HTR3A: variants seen among roughly 807,000 people sequenced by gnomAD.
HTR3A encodes the protein 5-hydroxytryptamine (serotonin) receptor 3A, ionotropic.
HTR3A carries 45 observed loss-of-function variants against 54.8 expected under a neutral mutation model. The ratio of observed to expected loss-of-function variants is 0.82; its 90% CI spans 0.65 to 1.05. The LOEUF is 1.05. Among genes scored for constraint, HTR3A ranks in the 50% least tolerant of loss-of-function variants. The pLI, the probability that HTR3A is intolerant of heterozygous loss-of-function variation, is 0.00. For missense variants in HTR3A, 657 were observed against 614.0 expected, an observed-to-expected ratio of 1.07 and a Z score of -0.74; for synonymous variants, 297 against 256.0, an observed-to-expected ratio of 1.16 and a Z score of -1.53.
intron 1 of HTR3A, 50 bp from the exon 2 acceptor site, chr11:113,977,721 G>A (rs749818663): frequency 1.2e-6 from 2 of 1,602,134 alleles, no homozygotes; most frequent in Non-Finnish European, 1.7e-6. Context: ...AAGAGAACCG[G>A]GGGAAGTCTT....
intron 5 of HTR3A, 33 bp from the exon 6 acceptor site, chr11:113,985,982 A>T: frequency 6.2e-7 from 1 of 1,613,360 alleles, no homozygotes; most frequent in Non-Finnish European, 8.5e-7. Context: ...TGGGTACTAG[A>T]TTCCAAAGCT....
In HTR3A at chr11:113,989,138, T is replaced by A. The variant is rs2137588854; in HGVS notation, c.1139-327T>A. On this transcript the variant is annotated intron_variant, in intron 8 of 8. Coordinates refer to ENST00000504030, the MANE Select transcript of HTR3A (RefSeq NM_000869.6). This position sits in a 1 kb window ranked among gnomAD's most constrained non-coding sequence, Gnocchi z 4.4. Reference sequence around the variant, plus strand: ...ACCACGGGAGGCCAAAGTAGGCGGATCACTTGAGGTCAAGAGTTCAAGACC... The same window carrying A: ...ACCACGGGAGGCCAAAGTAGGCGGAACACTTGAGGTCAAGAGTTCAAGACC... Among the ~76,000 whole-genome samples, 1 of 151,270 alleles carries A rather than the reference T, an allele frequency of 6.6e-6. No individual in the cohort carries two copies. Among genetic ancestry groups the A allele is most frequent in the African/African-American group, 2.4e-5 (1 of 41,074 alleles).
intron 8 of HTR3A, among the ~76,000 whole-genome samples, chr11:113,987,819 T>C (rs1365054697): frequency 6.6e-6 from 1 of 152,218 alleles, no homozygotes; most frequent in Non-Finnish European, 1.5e-5. Flanking sequence ...AGACATTAAA[T>C]GTGGAGTTCA....
chr11:113,975,447 C>T, intron 1 of HTR3A, 55 bp downstream of exon 1: 3 of 1,457,790 alleles, frequency 2.1e-6, no homozygotes, highest in Non-Finnish European at 1.9e-6. Context: ...TGAGGTGGGG[C>T]AGGGGATGCT....
chr11:113,979,417 G>A (rs544138285), intron 3 of HTR3A, 140 bp downstream of exon 3: 18 of 714,866 alleles, frequency 2.5e-5, no homozygotes, highest in Non-Finnish European at 4.5e-5. Context: ...CCAGGAGTGT[G>A]GAATCTCCTC....
intron 3 of HTR3A, among the ~76,000 whole-genome samples, chr11:113,980,663 G>T (rs1226486596): frequency 1.3e-5 from 2 of 152,328 alleles, no homozygotes; most frequent in East Asian, 1.9e-4. Context: ...TAGAGGGATA[G>T]CGGAGGTCAG....
In HTR3A at chr11:113,983,192, G is replaced by T; in HGVS notation, c.447G>T (p.Lys149Asn). 1 of 1,614,232 alleles carries T rather than the reference G, an allele frequency of 6.2e-7. No individual in the cohort carries two copies. Among genetic ancestry groups the T allele is most frequent in the Non-Finnish European group, 8.5e-7 (1 of 1,180,038 alleles). The change falls in exon 5 of 9, where the codon AAG becomes AAT. Residue 149 changes from lysine (K) to asparagine (N), a missense_variant. Transcript: ENST00000504030. ...ATCAAGGCGAAGTTCAGAACTACAA[G>T]CCCCTTCAGGTGGTGACTGCCTGTA... ...IRHQGEVQNYKPLQVVTACSL... is the reference protein window; with the variant it reads ...IRHQGEVQNYNPLQVVTACSL...
At chr11:113,977,718 C>G in intron 1 of HTR3A, 53 bp from the exon 2 acceptor site, 1 of 1,596,986 alleles carries the variant, frequency 6.3e-7, no homozygotes, top group African/African-American at 1.3e-5. Flanking sequence ...GACAAGAGAA[C>G]CGGGGGAAGT....
At chr11:113,981,788 T>C (rs1210609301) in intron 4 of HTR3A, among the ~76,000 whole-genome samples, 1 of 151,928 alleles carries the variant, frequency 6.6e-6, no homozygotes, top group Non-Finnish European at 1.5e-5. Flanking sequence ...TGAAACCCCA[T>C]CTCTACTAAA....
intron 5 of HTR3A, among the ~76,000 whole-genome samples, chr11:113,984,381 C>G (rs1011623136): frequency 6.6e-6 from 1 of 151,460 alleles, no homozygotes; most frequent in African/African-American, 2.4e-5. Flanking sequence ...TTTGGGAGGC[C>G]AAGGCAGGAG....
intron 5 of HTR3A, among the ~76,000 whole-genome samples, chr11:113,984,157 C>T (rs574220016): frequency 3.5e-4 from 54 of 152,298 alleles, no homozygotes; most frequent in African/African-American, 1.2e-3. Context: ...TGGCCAACCC[C>T]TCTACTCACC....
rs1355649136 is a variant in HTR3A, at chr11:113,989,417, C to T, written c.1139-48C>T. ...GAAGCATAAGGAACCATGTTCAGGT[C>T]ACCACCCGGGGTCTCCCTCTCTTGC... On this transcript the variant is annotated intron_variant, in intron 8 of 8. Coordinates refer to ENST00000504030, the MANE Select transcript of HTR3A (RefSeq NM_000869.6). The surrounding 1 kb of genome is among the most constrained non-coding windows in gnomAD (Gnocchi z 4.4). The T allele has an allele frequency of 4.4e-6, 7 of 1,606,964 alleles. No individual in the cohort carries two copies. The highest frequency in any genetic ancestry group is 6.0e-6 in the Non-Finnish European group (7 of 1,174,706).
chr11:113,989,470 G>A lies in HTR3A; in HGVS notation c.1144G>A (p.Gly382Arg), dbSNP rs1565584027. 3 of 1,613,932 alleles carry A rather than the reference G, an allele frequency of 1.9e-6. No homozygotes were observed. The highest frequency in any genetic ancestry group is 2.2e-5 in the East Asian group (1 of 44,864). ...ATGCCCTGCCCTTCTTCCAGCCATG[G>A]GAAACCACTGCAGCCACATGGGAGG... is the stretch of plus-strand genomic sequence containing the variant. ...ATKTDDCSAM[G>R]NHCSHMGGPQ... The change falls in exon 9 of 9, where the codon GGA (glycine) becomes AGA (arginine). Residue 382 changes from glycine (G) to arginine (R), a missense_variant. Transcript: ENST00000504030. The surrounding 1 kb of genome is among the most constrained non-coding windows in gnomAD (Gnocchi z 4.4).
In HTR3A at chr11:113,989,886, G is replaced by A. The variant is rs747454326; in HGVS notation, c.*123G>A. 7.4e-5 allele frequency: 82 copies of A among 1,111,398 alleles called. No individual in the cohort carries two copies. The highest frequency in any genetic ancestry group is 9.1e-5 in the Admixed American group (5 of 54,760). 68.8% of individuals were successfully genotyped at this position (1,111,398 alleles called of 1,614,324 possible). A position where few individuals can be genotyped will look rare whatever the true frequency, so the allele number is the denominator to read the frequency against. ...ATTTTCAAGACACAGACAAAGTCCC[G>A]TGCCCTGTTTCCAATGCCAATTCAT... On this transcript the variant is annotated 3_prime_UTR_variant, in exon 9 of 9. Coordinates refer to ENST00000504030, the MANE Select transcript of HTR3A (RefSeq NM_000869.6). The surrounding 1 kb of genome is among the most constrained non-coding windows in gnomAD (Gnocchi z 4.4).
intron 5 of HTR3A, 110 bp downstream of exon 5, chr11:113,983,399 C>T (rs1337783169): frequency 1.8e-6 from 2 of 1,108,398 alleles, no homozygotes; most frequent in East Asian, 2.4e-5. Context: ...CCTACTAATG[C>T]CCTGGGCCTC....
Position 113,989,491 on chromosome 11 carries a change from G to A in HTR3A, c.1165G>A (p.Gly389Arg). 4 of 1,614,174 alleles carry A rather than the reference G, an allele frequency of 2.5e-6. No individual in the cohort carries two copies. The highest frequency in any genetic ancestry group is 3.4e-6 in the Non-Finnish European group (4 of 1,180,042). ...SAMGNHCSHMGGPQDFEKSPR... is the reference protein window; with the variant it reads ...SAMGNHCSHMRGPQDFEKSPR... ...CATGGGAAACCACTGCAGCCACATG[G>A]GAGGACCCCAGGACTTCGAGAAGAG... Residue 389 changes from glycine (G) to arginine (R), a missense_variant, in exon 9 of 9, where the codon GGA becomes AGA. Transcript: ENST00000504030. The surrounding 1 kb of genome is among the most constrained non-coding windows in gnomAD (Gnocchi z 4.4).
In HTR3A at chr11:113,977,777, G is replaced by A. The variant is rs1402703476; in HGVS notation, c.74G>A (p.Arg25Lys). The A allele has an allele frequency of 6.8e-6, 11 of 1,614,130 alleles. No individual in the cohort carries two copies. The highest frequency in any genetic ancestry group is 9.3e-6 in the Non-Finnish European group (11 of 1,180,028). The change falls in exon 2 of 9, where the codon AGG becomes AAG. Residue 25 changes from arginine to lysine, a missense_variant. Transcript: ENST00000504030. Reference protein sequence around the residue: ...PTLLAQGEARRSRNTTRPALL... With the variant: ...PTLLAQGEARKSRNTTRPALL... ...GAACTGTTCTCCTTCCCAGCCAGGAGGAGCCGAAACACCACCAGGCCCGCT... is the reference window on the plus strand; with the variant it reads ...GAACTGTTCTCCTTCCCAGCCAGGAAGAGCCGAAACACCACCAGGCCCGCT...
At chr11:113,988,935 T>C (rs1359934805) in intron 8 of HTR3A, among the ~76,000 whole-genome samples, 1 of 152,236 alleles carries the variant, frequency 6.6e-6, no homozygotes, top group African/African-American at 2.4e-5. Flanking sequence ...GTGATATTAA[T>C]GATCTGGAAG....
intron 2 of HTR3A, among the ~76,000 whole-genome samples, chr11:113,978,999 T>C (rs1373036144): frequency 6.6e-6 from 1 of 152,128 alleles, no homozygotes; most frequent in Non-Finnish European, 1.5e-5. Context: ...TCAAAATAAA[T>C]TAAAAAATGA....
Sources: allele counts gnomAD v4.1 joint callset (sites outside exome capture counted in the v4.1 genomes callset), GRCh38; gene constraint gnomAD v4.1.1; non-coding constraint Gnocchi (gnomAD v3.1); transcripts MANE v1.5; gene names NCBI Gene and HGNC (gene_info 2026-07-23, HGNC 2026-07-21).